Variants in TCF4 observed in about 807,000 individuals in gnomAD.
The protein encoded by TCF4 is transcription factor 4.
In TCF4, 3 loss-of-function variants were observed where a neutral mutation model predicts 82.1. That is an observed-to-expected ratio of 0.04 (90% CI 0.02 to 0.09). The LOEUF is 0.09. TCF4 is among the 10% of genes least tolerant of loss of function. TCF4 has a pLI of 1.00. For synonymous variants in TCF4, 276 were observed against 309.6 expected (o/e 0.89, Z 1.14); for missense variants, 518 against 852.7 (o/e 0.61, Z 4.89).
chr18:55,386,580 T>C (rs2092625861), intron 6 of TCF4, among the ~76,000 whole-genome samples: 1 of 152,178 alleles, frequency 6.6e-6, no homozygotes, highest in South Asian at 2.1e-4. Context: ...AAGAAAACAA[T>C]GCTTACCACA....
intron 5 of TCF4, among the ~76,000 whole-genome samples, chr18:55,418,761 G>A (rs2094613966): frequency 1.3e-5 from 2 of 152,172 alleles, no homozygotes; most frequent in African/African-American, 2.4e-5. Flanking sequence ...ACTTGAGGAA[G>A]TAGGAGCATT....
At chr18:55,546,499 A>C (rs780656048) in intron 3 of TCF4, among the ~76,000 whole-genome samples, 1 of 152,234 alleles carries the variant, frequency 6.6e-6, no homozygotes, top group Non-Finnish European at 1.5e-5. Flanking sequence ...GTGTTTCCAA[A>C]AATATCTTCA....
rs2046603200 is a variant in TCF4, at chr18:55,226,395, CAA to C, written c.*1638_*1639del. 6.6e-6 allele frequency: 1 copy of C among 152,376 alleles called. No homozygotes were observed. Among genetic ancestry groups the C allele is most frequent in the Non-Finnish European group, 1.5e-5 (1 of 67,992 alleles). 9.4% of individuals were successfully genotyped at this position (152,376 alleles called of 1,614,324 possible). The stretch of plus-strand genomic sequence containing the variant: ...ACTATTTGTTTACTGCACTATACAC[CAA>C]AGTCAATCATTATAAAGATTCACGA... On this transcript the variant is annotated 3_prime_UTR_variant, in exon 20 of 20. Coordinates refer to ENST00000354452, the MANE Select transcript of TCF4 (RefSeq NM_001083962.2).
chr18:55,604,422 TG>T (rs909656074), intron 2 of TCF4, among the ~76,000 whole-genome samples: 9 of 152,166 alleles, frequency 5.9e-5, no homozygotes, highest in African/African-American at 2.2e-4. Context: ...TGGGCCTTGC[TG>T]TGCCTTCTGT....
At chr18:55,349,575 A>G (rs1438052204) in intron 8 of TCF4, among the ~76,000 whole-genome samples, 1 of 152,152 alleles carries the variant, frequency 6.6e-6, no homozygotes, top group East Asian at 1.9e-4. Flanking sequence ...AAGGATAAAG[A>G]AACAAAGAAA....
chr18:55,574,289 C>A (rs2097505997), intron 3 of TCF4, among the ~76,000 whole-genome samples: 1 of 152,070 alleles, frequency 6.6e-6, no homozygotes. Flanking sequence ...TGAAAAGTGT[C>A]CTTTGAAAAA....
intron 6 of TCF4, among the ~76,000 whole-genome samples, chr18:55,380,484 C>T (rs964184335): frequency 6.6e-6 from 1 of 152,030 alleles, no homozygotes; most frequent in Admixed American, 6.5e-5. Flanking sequence ...ATTCCTTCAT[C>T]GGAGGTCCAC....
intron 5 of TCF4, among the ~76,000 whole-genome samples, chr18:55,440,354 T>C (rs1305248763): frequency 1.3e-5 from 2 of 152,238 alleles, no homozygotes; most frequent in Admixed American, 6.5e-5. Context: ...TTTGGGGTTT[T>C]TGGGGTTTTA....
At chr18:55,492,451 G>A (rs1490158569) in intron 3 of TCF4, among the ~76,000 whole-genome samples, 1 of 152,164 alleles carries the variant, frequency 6.6e-6, no homozygotes, top group Non-Finnish European at 1.5e-5. Context: ...TGCAGTTCTA[G>A]AAAAGAGAAA....
At chr18:55,406,400 A>AT (rs145535393) in intron 5 of TCF4, among the ~76,000 whole-genome samples, 21 of 151,916 alleles carry the variant, frequency 1.4e-4, no homozygotes, top group South Asian at 1.0e-3. Context: ...GATTCCTATC[A>AT]TTTTTTTTAA....
At chr18:55,439,999 C>G (rs957721230) in intron 5 of TCF4, among the ~76,000 whole-genome samples, 1 of 152,192 alleles carries the variant, frequency 6.6e-6, no homozygotes, top group East Asian at 1.9e-4. Flanking sequence ...GCTGAGATTA[C>G]AGGCCTGTTA....
In TCF4 at chr18:55,226,292, C is replaced by T. The variant is rs2046590311; in HGVS notation, c.*1743G>A. On this transcript the variant is annotated 3_prime_UTR_variant, in exon 20 of 20. Transcript: ENST00000354452. Reference sequence around the variant, plus strand: ...ACAGGGATTTTTTTTTTTCTTAATACATGCCAAGAATTGTGTGGCTGTAAA... The same window carrying T: ...ACAGGGATTTTTTTTTTTCTTAATATATGCCAAGAATTGTGTGGCTGTAAA... 1 of 151,934 alleles carries T rather than the reference C, an allele frequency of 6.6e-6. No homozygotes were observed. The highest frequency in any genetic ancestry group is 2.4e-5 in the African/African-American group (1 of 41,208). 9.4% of individuals were successfully genotyped at this position (151,934 alleles called of 1,614,324 possible). A position where few individuals can be genotyped will look rare whatever the true frequency, so the allele number is the denominator to read the frequency against.
Position 55,623,417 on chromosome 18 carries a change from G to T in TCF4, c.286+7881C>A, listed in dbSNP as rs565518746. ...TAAACAGAAAATGTATCTAGAATTA[G>T]ATTTTGGCTTTAGGATATGTTTGTA... On this transcript the variant is annotated intron_variant, in intron 2 of 20. Coordinates refer to the TCF4 transcript ENST00000398339. Among the ~76,000 whole-genome samples the T allele has an allele frequency of 2.6e-5, 4 of 152,230 alleles. No homozygotes were observed. In the South Asian group the frequency reaches 8.3e-4, roughly 32 times the overall value.
chr18:55,618,167 TA>T (rs1191656494), intron 2 of TCF4, among the ~76,000 whole-genome samples: 1 of 152,206 alleles, frequency 6.6e-6, no homozygotes, highest in African/African-American at 2.4e-5. Context: ...TTCATTATAT[TA>T]CAAAAGTTTT....
intron 3 of TCF4, among the ~76,000 whole-genome samples, chr18:55,526,068 T>C (rs902390261): frequency 6.6e-6 from 1 of 152,156 alleles, no homozygotes; most frequent in African/African-American, 2.4e-5. Flanking sequence ...ATTTCAGACA[T>C]CCTTATCAAC....
At chr18:55,297,159 T>G (rs2066741688) in intron 8 of TCF4, among the ~76,000 whole-genome samples, 1 of 140,114 alleles carries the variant, frequency 7.1e-6, no homozygotes, top group African/African-American at 2.6e-5. Flanking sequence ...TTTTTTTTTT[T>G]TTTTTTTTTT....
chr18:55,465,128 C>T (rs1163039640), intron 3 of TCF4, among the ~76,000 whole-genome samples: 8 of 152,100 alleles, frequency 5.3e-5, no homozygotes, highest in Admixed American at 4.6e-4. Context: ...TGATAACAGA[C>T]GGCCATCACA....
intron 6 of TCF4, among the ~76,000 whole-genome samples, chr18:55,367,240 G>A (rs2087436784): frequency 6.6e-6 from 1 of 152,210 alleles, no homozygotes. Flanking sequence ...GTGTGCTTAT[G>A]TGTATGCGAG....
At position 55,234,214 on chromosome 18, in the gene TCF4, T is replaced by C. The variant is rs2048713685; in HGVS notation, c.1486+334A>G. Among the ~76,000 whole-genome samples, 3 of 152,288 alleles carry C rather than the reference T, an allele frequency of 2.0e-5. No homozygotes were observed. In the South Asian group the frequency reaches 6.2e-4, roughly 32 times the overall value. On this transcript the variant is annotated intron_variant, in intron 16 of 19. Transcript: ENST00000354452. ...CTTCCTTCCTATTCATTTGGAAATATCATTTTCAGGCCACAACTAACCACA... is the reference window on the plus strand; with the variant it reads ...CTTCCTTCCTATTCATTTGGAAATACCATTTTCAGGCCACAACTAACCACA...
Sources: gnomAD v4.1 joint callset for allele counts (sites outside exome capture counted in the v4.1 genomes callset) on GRCh38, gnomAD v4.1.1 for gene constraint, MANE v1.5 for transcripts, NCBI Gene and HGNC (gene_info 2026-07-23, HGNC 2026-07-21) for gene names.